The following HDAC9 variants were observed in gnomAD, a reference collection of about 807,000 sequenced individuals.
HDAC9 encodes histone deacetylase 9.
HDAC9 carries 41 observed loss-of-function variants against 139.4 expected under a neutral mutation model. That is an observed-to-expected ratio of 0.29 (90% confidence interval 0.23 to 0.38). The LOEUF is 0.38. Ranked by LOEUF, HDAC9 falls within the 10% of genes least tolerant of loss-of-function variation. The pLI is 1.00. For synonymous variants in HDAC9, 517 were observed against 476.2 expected (o/e 1.09, Z -1.12); for missense variants, 1,147 against 1,297.0 (o/e 0.88, Z 1.78).
chr7:18,832,762 T>G (rs886889758), intron 19 of HDAC9, among the ~76,000 whole-genome samples: 3 of 151,864 alleles, frequency 2.0e-5, no homozygotes, highest in Admixed American at 1.3e-4. Context: ...TGAGACGGAG[T>G]TTCGCTCTTG....
chr7:18,561,701 T>C (rs1820668643), intron 2 of HDAC9, among the ~76,000 whole-genome samples: 2 of 152,212 alleles, frequency 1.3e-5, no homozygotes, highest in Non-Finnish European at 2.9e-5. Context: ...ATACCAAATA[T>C]GTGGTCGCTT....
intron 14 of HDAC9, among the ~76,000 whole-genome samples, chr7:18,750,400 C>T (rs1788339942): frequency 7.3e-6 from 1 of 136,782 alleles, no homozygotes; most frequent in African/African-American, 2.9e-5. Flanking sequence ...GAATATACCA[C>T]AACACCATGT....
At chr7:18,866,304 G>A (rs1036349705) in intron 21 of HDAC9, among the ~76,000 whole-genome samples, 14 of 151,964 alleles carry the variant, frequency 9.2e-5, no homozygotes, top group Admixed American at 9.2e-4. Flanking sequence ...TGTACAATTT[G>A]TTTTTCACCT....
At chr7:18,860,996 GTCC>G (rs1181090905) in intron 21 of HDAC9, among the ~76,000 whole-genome samples, 1 of 152,114 alleles carries the variant, frequency 6.6e-6, no homozygotes, top group Non-Finnish European at 1.5e-5. Context: ...TCCAGCTCTA[GTCC>G]TTACAAATAT....
At chr7:18,131,793 A>C (rs1034660265) in intron 1 of HDAC9, among the ~76,000 whole-genome samples, 5 of 152,166 alleles carry the variant, frequency 3.3e-5, no homozygotes, top group African/African-American at 1.2e-4. Context: ...TGGAGAGCAG[A>C]TCTAGTCAGG....
intron 1 of HDAC9, among the ~76,000 whole-genome samples, chr7:18,476,832 G>A (rs575582985): frequency 1.2e-4 from 19 of 152,018 alleles, no homozygotes; most frequent in Non-Finnish European, 2.5e-4. Flanking sequence ...CTCCAGTTTT[G>A]TATTCCTACC....
intron 1 of HDAC9, among the ~76,000 whole-genome samples, chr7:18,472,635 G>A (rs998738966): frequency 2.6e-5 from 4 of 152,112 alleles, no homozygotes; most frequent in East Asian, 3.9e-4. Flanking sequence ...TTACAAGACC[G>A]GCTCCTTCAT....
Position 18,996,128 on chromosome 7 carries a change from C to T in HDAC9, c.*66C>T. 1 of 1,219,256 alleles carries T rather than the reference C, an allele frequency of 8.2e-7. No homozygotes were observed. The highest frequency in any genetic ancestry group is 1.2e-6 in the Non-Finnish European group (1 of 843,684). 75.5% of individuals were successfully genotyped at this position (1,219,256 alleles called of 1,614,324 possible). A position where few individuals can be genotyped will look rare whatever the true frequency, so the allele number is the denominator to read the frequency against. On this transcript the variant is annotated 3_prime_UTR_variant, in exon 26 of 26. Coordinates refer to ENST00000686413, the MANE Select transcript of HDAC9 (RefSeq NM_178425.4). Reference sequence around the variant, plus strand: ...ATTGTGTATCCCCCCACCCCAGTACCCTCAGACATGTCTTGTCTGCTGCCT... The same window carrying T: ...ATTGTGTATCCCCCCACCCCAGTACTCTCAGACATGTCTTGTCTGCTGCCT...
At chr7:18,905,810 C>G (rs1802183628) in intron 22 of HDAC9, among the ~76,000 whole-genome samples, 1 of 152,166 alleles carries the variant, frequency 6.6e-6, no homozygotes, top group South Asian at 2.1e-4. Flanking sequence ...CTTCTTCCTT[C>G]TCCCTCATCA....
At chr7:18,140,162 TC>T (rs1193612188) in intron 1 of HDAC9, among the ~76,000 whole-genome samples, 1 of 152,128 alleles carries the variant, frequency 6.6e-6, no homozygotes, top group Non-Finnish European at 1.5e-5. Flanking sequence ...AAAATTCATA[TC>T]TTCCCAAAAT....
chr7:18,506,922 T>C (rs538146401), intron 2 of HDAC9, among the ~76,000 whole-genome samples: 2 of 152,284 alleles, frequency 1.3e-5, no homozygotes, highest in African/African-American at 4.8e-5. Context: ...CAGTAAAATA[T>C]GCAGTTTTAC....
chr7:18,936,950 G>A (rs1318129472), intron 23 of HDAC9, among the ~76,000 whole-genome samples: 1 of 149,234 alleles, frequency 6.7e-6, no homozygotes, highest in African/African-American at 2.5e-5. Flanking sequence ...ATATATTGAA[G>A]TAAAAATGTA....
chr7:18,158,161 AATAAT>A (rs755016966), intron 1 of HDAC9, among the ~76,000 whole-genome samples: 63 of 152,320 alleles, frequency 4.1e-4, no homozygotes, highest in Non-Finnish European at 8.1e-4. Flanking sequence ...CACTATCCAA[AATAAT>A]ACTAATTACC....
At chr7:18,308,727 A>T (rs887238208) in intron 1 of HDAC9, among the ~76,000 whole-genome samples, 30 of 152,208 alleles carry the variant, frequency 2.0e-4, no homozygotes, top group African/African-American at 6.0e-4. Flanking sequence ...GTACGTGTGT[A>T]TATATATCTG....
intron 2 of HDAC9, among the ~76,000 whole-genome samples, chr7:18,203,644 A>G (rs1791292460): frequency 1.3e-5 from 2 of 152,214 alleles, no homozygotes; most frequent in Admixed American, 6.5e-5. Context: ...TTGTATAATA[A>G]TTAACTCAGC....
chr7:18,807,560 G>A (rs1474295133), intron 17 of HDAC9, among the ~76,000 whole-genome samples: 1 of 151,832 alleles, frequency 6.6e-6, no homozygotes, highest in Non-Finnish European at 1.5e-5. Flanking sequence ...TGGTACTGTA[G>A]GCATTTATTG....
At chr7:18,500,997 C>G (rs1354443787) in intron 2 of HDAC9, among the ~76,000 whole-genome samples, 1 of 151,706 alleles carries the variant, frequency 6.6e-6, no homozygotes, top group African/African-American at 2.4e-5. Context: ...AGGTAAAAAT[C>G]TTTACACATA....
intron 2 of HDAC9, among the ~76,000 whole-genome samples, chr7:18,219,361 A>G (rs148716949): frequency 6.6e-6 from 1 of 152,324 alleles, no homozygotes; most frequent in East Asian, 1.9e-4. Context: ...GGAAGTGTTG[A>G]AAAATAATTG....
intron 2 of HDAC9, among the ~76,000 whole-genome samples, chr7:18,542,705 A>G (rs981584829): frequency 6.6e-6 from 1 of 152,206 alleles, no homozygotes; most frequent in African/African-American, 2.4e-5. Context: ...GATTGTGGCA[A>G]AAGGCCCTGT....
Sources: allele counts gnomAD v4.1 joint callset (sites outside exome capture counted in the v4.1 genomes callset), GRCh38; gene constraint gnomAD v4.1.1; transcripts MANE v1.5; gene names NCBI Gene and HGNC (gene_info 2026-07-23, HGNC 2026-07-21).